The following RELN variants were observed in gnomAD, a reference collection of about 807,000 sequenced individuals.
RELN encodes the protein reelin.
A neutral mutation model predicts 427.6 loss-of-function variants in RELN; 108 were observed. The ratio of observed to expected loss-of-function variants is 0.25; its 90% CI spans 0.22 to 0.30. The LOEUF is 0.30. RELN is among the 10% of genes least tolerant of loss of function. RELN has a pLI of 1.00. For synonymous variants in RELN, 1,524 were observed against 1,513.4 expected, an observed-to-expected ratio of 1.01 and a Z score of -0.16; for missense variants, 3,715 against 4,302.8, an observed-to-expected ratio of 0.86 and a Z score of 3.82.
At chr7:103,744,871 T>C (rs896507209) in intron 6 of RELN, among the ~76,000 whole-genome samples, 2 of 152,198 alleles carry the variant, frequency 1.3e-5, no homozygotes, top group African/African-American at 2.4e-5. Context: ...TCTGAAACTA[T>C]TCCAATCAAT....
At chr7:103,978,766 G>A (rs1028272808) in intron 1 of RELN, among the ~76,000 whole-genome samples, 24 of 152,208 alleles carry the variant, frequency 1.6e-4, no homozygotes, top group African/African-American at 3.4e-4. Context: ...AAAATATTTC[G>A]GAATTGACAT....
chr7:103,845,633 T>A (rs1793655699), intron 2 of RELN, among the ~76,000 whole-genome samples: 1 of 152,140 alleles, frequency 6.6e-6, no homozygotes, highest in South Asian at 2.1e-4. Flanking sequence ...CTCCTAATTT[T>A]CCCCATGTAA....
intron 4 of RELN, among the ~76,000 whole-genome samples, chr7:103,776,144 G>C (rs1185973577): frequency 6.6e-6 from 1 of 152,160 alleles, no homozygotes; most frequent in Non-Finnish European, 1.5e-5. Context: ...AGTTGAAACA[G>C]GCCCATAGAT....
intron 3 of RELN, among the ~76,000 whole-genome samples, chr7:103,789,389 T>C (rs557354393): frequency 1.3e-5 from 2 of 152,132 alleles, no homozygotes; most frequent in African/African-American, 4.8e-5. Flanking sequence ...AAACTATCAT[T>C]AGAGTGAACA....
At chr7:103,941,137 T>C (rs1796105700) in intron 1 of RELN, among the ~76,000 whole-genome samples, 1 of 152,096 alleles carries the variant, frequency 6.6e-6, no homozygotes, top group Admixed American at 6.6e-5. Flanking sequence ...ACTGGTACAA[T>C]TTCTCTAAGA....
intron 2 of RELN, among the ~76,000 whole-genome samples, chr7:103,903,636 G>A (rs1023693435): frequency 6.6e-6 from 1 of 151,970 alleles, no homozygotes; most frequent in African/African-American, 2.4e-5. Context: ...GCTCGAAAAT[G>A]TACATTTCCT....
intron 63 of RELN, among the ~76,000 whole-genome samples, chr7:103,480,102 T>C (rs1330295773): frequency 6.6e-6 from 1 of 152,208 alleles, no homozygotes; most frequent in African/African-American, 2.4e-5. Context: ...AGCCTCAGTC[T>C]GCTCCTCTCC....
chr7:103,802,442 C>T (rs773753309), intron 3 of RELN, among the ~76,000 whole-genome samples: 2 of 152,080 alleles, frequency 1.3e-5, no homozygotes, highest in Non-Finnish European at 2.9e-5. Context: ...TAAAACAAAT[C>T]ACAATGCCCT....
In RELN at chr7:103,566,705, T is replaced by G. The variant is rs770815664; in HGVS notation, c.4643A>C (p.Glu1548Ala). Residue 1548 changes from glutamate (E) to alanine (A), a missense_variant, in exon 32 of 65, where the codon GAG becomes GCG. Physicochemically the swap from Glu to Ala is moderately radical, Grantham distance 107 (BLOSUM62 -1). Transcript: ENST00000428762. Reference protein sequence around the residue: ...DNGILWHLLRELDFMSFLEPQ... With the variant: ...DNGILWHLLRALDFMSFLEPQ... ...TTCCAGGAAGGACATGAAGTCCAAC[T>G]CTCGAAGCAAATGCCAGAGTATCCC... is the stretch of plus-strand genomic sequence containing the variant. The G allele has an allele frequency of 6.2e-7, 1 of 1,614,150 alleles. No homozygotes were observed. Among genetic ancestry groups the G allele is most frequent in the South Asian group, 1.1e-5 (1 of 91,090 alleles).
At position 103,557,130 on chromosome 7, in the gene RELN, A is replaced by G. The variant is rs1454859445; in HGVS notation, c.5644T>C (p.Leu1882=). 2.5e-6 allele frequency: 4 copies of G among 1,613,734 alleles called. No individual in the cohort carries two copies. The highest frequency in any genetic ancestry group is 3.4e-6 in the Non-Finnish European group (4 of 1,179,610). The change falls in exon 38 of 65, where the codon TTA becomes CTA. Residue 1882 remains leucine, a synonymous_variant. Transcript: ENST00000428762. The stretch of plus-strand genomic sequence containing the variant: ...ATTCCTCCACTGATGGAGAATTGTA[A>G]CAGAATAGAGTGAGATCTCTCTGGG... ...STPERSHSIL[L]QFSISGGITW...
At chr7:103,879,177 G>T (rs1177845086) in intron 2 of RELN, among the ~76,000 whole-genome samples, 1 of 152,186 alleles carries the variant, frequency 6.6e-6, no homozygotes, top group African/African-American at 2.4e-5. Context: ...TTACCTGTAT[G>T]ATTTTGGGTA....
Position 103,551,177 on chromosome 7 carries a change from G to A in RELN, c.6192C>T (p.His2064=), listed in dbSNP as rs764737797. 1.9e-6 allele frequency: 3 copies of A among 1,614,108 alleles called. No homozygotes were observed. The highest frequency in any genetic ancestry group is 1.3e-5 in the African/African-American group (1 of 75,044). Residue 2064 remains histidine (H), a synonymous_variant, in exon 41 of 65, where the codon CAC becomes CAT. Transcript: ENST00000428762. ...LLPLCYHSSS[H]VSSLCSTEHH... The stretch of plus-strand genomic sequence containing the variant: ...GCTCGGTGGAGCATAAAGAGCTGAC[G>A]TGGCTGCTGCTGTGGTAGCAGAGGG...
At chr7:103,779,787 G>C (rs1791839566) in intron 3 of RELN, among the ~76,000 whole-genome samples, 1 of 152,136 alleles carries the variant, frequency 6.6e-6, no homozygotes, top group Non-Finnish European at 1.5e-5. Flanking sequence ...GAGTGCAGTG[G>C]CGTGATCTTG....
intron 2 of RELN, among the ~76,000 whole-genome samples, chr7:103,838,208 C>CAAAAAAAAAA (rs58553259): frequency 1.2e-5 from 1 of 81,082 alleles, no homozygotes; most frequent in African/African-American, 5.1e-5. Context: ...GACTTCGTCT[C>CAAAAAAAAAA]AAAAAAAAAA....
At chr7:103,718,332 CAAAAA>C (rs11300111) in intron 8 of RELN, among the ~76,000 whole-genome samples, 2 of 130,990 alleles carry the variant, frequency 1.5e-5, no homozygotes, top group Admixed American at 7.8e-5. Context: ...AACAAAGCAG[CAAAAA>C]AAAAAAAAAA....
intron 4 of RELN, among the ~76,000 whole-genome samples, chr7:103,755,570 C>G (rs11973221): frequency 1.4e-5 from 2 of 147,568 alleles, no homozygotes; most frequent in African/African-American, 5.1e-5. Flanking sequence ...ATCGCGCCAC[C>G]GCACTCCAGC....
intron 16 of RELN, among the ~76,000 whole-genome samples, chr7:103,644,146 T>C (rs767642925): frequency 6.0e-5 from 9 of 151,102 alleles, no homozygotes; most frequent in Non-Finnish European, 1.3e-4. Flanking sequence ...TTAAAAAAAA[T>C]AATGAGATAG....
Position 103,575,723 on chromosome 7 carries a change from A to T in RELN, c.4146-18T>A, listed in dbSNP as rs1418743566. 1 of 1,614,020 alleles carries T rather than the reference A, an allele frequency of 6.2e-7. No homozygotes were observed. Among genetic ancestry groups the T allele is most frequent in the South Asian group, 1.1e-5 (1 of 91,084 alleles). Reference sequence around the variant, plus strand: ...TGGTCTTGCTGTTGGGAAAAACAACACACCTGTTTCTTGTACCAACATCTC... The same window carrying T: ...TGGTCTTGCTGTTGGGAAAAACAACTCACCTGTTTCTTGTACCAACATCTC... On this transcript the variant is annotated intron_variant, in intron 28 of 64. Coordinates refer to ENST00000428762, the MANE Select transcript of RELN (RefSeq NM_005045.4).
chr7:103,578,516 A>G (rs1831054044), intron 28 of RELN, among the ~76,000 whole-genome samples: 1 of 152,174 alleles, frequency 6.6e-6, no homozygotes, highest in Admixed American at 6.5e-5. Context: ...TCAAGGCAAT[A>G]AAGATTTCAC....
Sources: allele counts gnomAD v4.1 joint callset (sites outside exome capture counted in the v4.1 genomes callset), GRCh38; gene constraint gnomAD v4.1.1; transcripts MANE v1.5; gene names NCBI Gene and HGNC (gene_info 2026-07-23, HGNC 2026-07-21).